Variants in ZFAND3 observed in about 807,000 individuals in gnomAD.
The protein encoded by ZFAND3 is zinc finger AN1-type containing 3.
In ZFAND3, 10 loss-of-function variants were observed where a neutral mutation model predicts 29.6. The ratio of observed to expected loss-of-function variants is 0.34; its 90% CI spans 0.21 to 0.57. ZFAND3 has a LOEUF of 0.57. ZFAND3 is among the 20% of genes least tolerant of loss of function. The probability of loss-of-function intolerance (pLI) is 0.86; values close to 1 mark genes in which losing one functional copy is unlikely to be tolerated. For missense variants in ZFAND3, 230 were observed against 304.5 expected (o/e 0.76, Z 1.82); for synonymous variants, 128 against 112.6 (o/e 1.14, Z -0.87).
intron 2 of ZFAND3, among the ~76,000 whole-genome samples, chr6:37,955,300 T>A (rs1289072902): frequency 6.6e-6 from 1 of 152,194 alleles, no homozygotes; most frequent in Non-Finnish European, 1.5e-5. Context: ...GTGGAAGTCC[T>A]CCAGATCATC....
chr6:37,945,445 G>T (rs1016496169), intron 2 of ZFAND3, among the ~76,000 whole-genome samples: 2 of 152,140 alleles, frequency 1.3e-5, no homozygotes, highest in African/African-American at 2.4e-5. Context: ...TCCCAGGGTG[G>T]ATTGCAGTGG....
intron 1 of ZFAND3, among the ~76,000 whole-genome samples, chr6:37,917,373 C>G (rs1561933371): frequency 6.6e-6 from 1 of 152,218 alleles, no homozygotes; most frequent in Non-Finnish European, 1.5e-5. Context: ...GCTCTTAACA[C>G]TACCCCTGTA....
intron 1 of ZFAND3, among the ~76,000 whole-genome samples, chr6:37,886,347 T>C (rs1258417383): frequency 6.8e-6 from 1 of 146,556 alleles, no homozygotes; most frequent in African/African-American, 2.5e-5. Context: ...AAGAAACCAA[T>C]GGTAGGTTTA....
chr6:38,098,840 T>A (rs1338676046), intron 4 of ZFAND3, among the ~76,000 whole-genome samples: 1 of 152,168 alleles, frequency 6.6e-6, no homozygotes, highest in Non-Finnish European at 1.5e-5. Flanking sequence ...CACTTAACAT[T>A]GTTAATTGGT....
intron 5 of ZFAND3, among the ~76,000 whole-genome samples, chr6:38,148,951 A>G (rs1334969144): frequency 1.3e-5 from 2 of 152,198 alleles, no homozygotes; most frequent in Admixed American, 6.5e-5. Context: ...TTAGCCCTCC[A>G]GAGTTTCCCC....
chr6:38,082,869 T>C (rs928338698), intron 4 of ZFAND3, among the ~76,000 whole-genome samples: 1 of 152,168 alleles, frequency 6.6e-6, no homozygotes, highest in African/African-American at 2.4e-5. Flanking sequence ...ATAATTATTT[T>C]CTGTCATTCG....
chr6:37,972,779 A>G (rs1477141654), intron 2 of ZFAND3, among the ~76,000 whole-genome samples: 1 of 151,764 alleles, frequency 6.6e-6, no homozygotes, highest in Non-Finnish European at 1.5e-5. Flanking sequence ...GTGATAGATA[A>G]TATTTGTCTT....
chr6:37,844,744 G>A (rs1339635674), intron 1 of ZFAND3, among the ~76,000 whole-genome samples: 2 of 151,794 alleles, frequency 1.3e-5, no homozygotes, highest in Admixed American at 6.6e-5. Flanking sequence ...GCTGGGCGCG[G>A]TGGCTTACTC....
At chr6:38,009,478 G>C (rs1763108862) in intron 2 of ZFAND3, among the ~76,000 whole-genome samples, 1 of 152,142 alleles carries the variant, frequency 6.6e-6, no homozygotes, top group African/African-American at 2.4e-5. Flanking sequence ...ATCTGAAAAT[G>C]GTTATATTGG....
chr6:37,847,812 A>AT (rs1214829026), intron 1 of ZFAND3, among the ~76,000 whole-genome samples: 3 of 152,330 alleles, frequency 2.0e-5, no homozygotes, highest in Admixed American at 6.5e-5. Context: ...TTGGAAAAGT[A>AT]TTTTTGTGTG....
At chr6:37,837,910 TA>T (rs1481100205) in intron 1 of ZFAND3, among the ~76,000 whole-genome samples, 1 of 152,224 alleles carries the variant, frequency 6.6e-6, no homozygotes, top group Non-Finnish European at 1.5e-5. Context: ...TGATACAATT[TA>T]AATAGTGTCA....
intron 2 of ZFAND3, 145 bp from the exon 3 acceptor site, chr6:38,061,448 G>A (rs891391376): frequency 2.1e-5 from 21 of 997,042 alleles, no homozygotes; most frequent in Non-Finnish European, 2.9e-5. Flanking sequence ...TTTGACCAGT[G>A]TTTTACTCCC....
At chr6:37,907,446 T>G (rs1234745185) in intron 1 of ZFAND3, among the ~76,000 whole-genome samples, 1 of 152,236 alleles carries the variant, frequency 6.6e-6, no homozygotes, top group Non-Finnish European at 1.5e-5. Context: ...ACTCTTGATT[T>G]GCCTTTTCTG....
intron 1 of ZFAND3, among the ~76,000 whole-genome samples, chr6:37,908,744 A>G (rs962363509): frequency 6.1e-5 from 4 of 65,890 alleles, no homozygotes; most frequent in East Asian, 3.7e-4. Flanking sequence ...ATTTTCAAAG[A>G]AAAAAAAAAA....
chr6:38,013,571 C>T (rs376157154), intron 2 of ZFAND3, among the ~76,000 whole-genome samples: 1 of 152,260 alleles, frequency 6.6e-6, no homozygotes, highest in African/African-American at 2.4e-5. Context: ...CTTCTACCTG[C>T]CTCAGTTTGT....
intron 2 of ZFAND3, among the ~76,000 whole-genome samples, chr6:37,964,085 T>G (rs1762249378): frequency 6.6e-6 from 1 of 152,236 alleles, no homozygotes; most frequent in Admixed American, 6.5e-5. Context: ...CCTCAGGTTT[T>G]CCTTGTCCTC....
At chr6:37,885,644 AAAAT>A (rs1284915805) in intron 1 of ZFAND3, among the ~76,000 whole-genome samples, 1 of 152,196 alleles carries the variant, frequency 6.6e-6, no homozygotes, top group Non-Finnish European at 1.5e-5. Context: ...ACTCTGTCTC[AAAAT>A]AAATAAATAA....
chr6:37,958,497 AC>A (rs1762140386), intron 2 of ZFAND3, among the ~76,000 whole-genome samples: 1 of 151,860 alleles, frequency 6.6e-6, no homozygotes, highest in African/African-American at 2.4e-5. Flanking sequence ...TAGATTCTGA[AC>A]CATTTTATGT....
At chr6:38,128,865 T>C (rs1765688442) in intron 5 of ZFAND3, among the ~76,000 whole-genome samples, 1 of 152,228 alleles carries the variant, frequency 6.6e-6, no homozygotes, top group African/African-American at 2.4e-5. Context: ...TACCCAGTAG[T>C]GGGATTGCCG....
Sources: gnomAD v4.1 joint callset for allele counts (sites outside exome capture counted in the v4.1 genomes callset) on GRCh38, gnomAD v4.1.1 for gene constraint, MANE v1.5 for transcripts, NCBI Gene and HGNC (gene_info 2026-07-23, HGNC 2026-07-21) for gene names.